The following HM13 variants were observed in gnomAD, a reference collection of about 807,000 sequenced individuals.
HM13 encodes the protein signal peptide peptidase.
HM13 carries 18 observed loss-of-function variants against 50.0 expected under a neutral mutation model. The ratio of observed to expected loss-of-function variants is 0.36; its 90% confidence interval spans 0.25 to 0.53. The LOEUF (loss-of-function observed/expected upper bound fraction) is 0.53, where lower values mean the gene tolerates loss of function less well. Ranked by LOEUF, HM13 falls within the 20% of genes least tolerant of loss-of-function variation. The pLI is 0.90. For synonymous variants in HM13, 197 were observed against 232.6 expected (o/e 0.85, Z 1.39); for missense variants, 393 against 552.4 (o/e 0.71, Z 2.89).
intron 3 of HM13, among the ~76,000 whole-genome samples, chr20:31,541,940 G>T (rs1485793269): frequency 6.6e-6 from 1 of 152,212 alleles, no homozygotes; most frequent in African/African-American, 2.4e-5. Flanking sequence ...GCTCAGGTCT[G>T]TCTGACTCCA....
intron 2 of HM13, chr20:31,527,848 G>A: frequency 2.5e-6 from 1 of 396,998 alleles, no homozygotes; most frequent in Non-Finnish European, 4.5e-6. Context: ...GTTTATGTTG[G>A]GATGGGGTAT....
chr20:31,534,994 G>C (rs1254320017), intron 2 of HM13, among the ~76,000 whole-genome samples: 1 of 152,024 alleles, frequency 6.6e-6, no homozygotes, highest in African/African-American at 2.4e-5. Flanking sequence ...GCTGAGGCAG[G>C]AGAGTGGCGT....
At chr20:31,547,004 C>T (rs1983761427) in intron 4 of HM13, among the ~76,000 whole-genome samples, 1 of 152,146 alleles carries the variant, frequency 6.6e-6, no homozygotes, top group South Asian at 2.1e-4. Context: ...ATCTCATGCT[C>T]CGCCATATAC....
intron 11 of HM13, among the ~76,000 whole-genome samples, chr20:31,567,377 C>T (rs893911883): frequency 1.3e-5 from 2 of 152,166 alleles, no homozygotes; most frequent in Admixed American, 6.5e-5. Flanking sequence ...GCTCTGAATA[C>T]ACAAGGCAGA....
chr20:31,516,932 CTG>C (rs1366356698), intron 1 of HM13, among the ~76,000 whole-genome samples: 2 of 152,214 alleles, frequency 1.3e-5, no homozygotes, highest in African/African-American at 4.8e-5. Context: ...GGAAAAGAAA[CTG>C]AGAGTCAAAG....
chr20:31,552,128 GC>G (rs1984067008), intron 7 of HM13, among the ~76,000 whole-genome samples: 1 of 152,144 alleles, frequency 6.6e-6, no homozygotes, highest in African/African-American at 2.4e-5. Context: ...CAGAGCAACA[GC>G]TATTCCCCAG....
At chr20:31,563,014 C>T (rs1600669611) in intron 10 of HM13, among the ~76,000 whole-genome samples, 1 of 152,192 alleles carries the variant, frequency 6.6e-6, no homozygotes, top group South Asian at 2.1e-4. Context: ...AAGGTGGCAG[C>T]CTCACCCTCT....
intron 1 of HM13, among the ~76,000 whole-genome samples, chr20:31,520,825 CTG>C: frequency 6.6e-6 from 1 of 152,284 alleles, no homozygotes; most frequent in East Asian, 1.9e-4. Context: ...AATGGAGACT[CTG>C]GAGTCTCCAG....
intron 4 of HM13, among the ~76,000 whole-genome samples, chr20:31,546,754 CA>C (rs542344354): frequency 0.34 from 39,431 of 116,648 alleles, 8,817 homozygotes; most frequent in African/African-American, 0.67. Context: ...GACCCTGTCT[CA>C]AAAAAAAAAA....
chr20:31,514,699 G>C lies in HM13; in HGVS notation c.148G>C (p.Gly50Arg). ...LLMALLPIFFGALRSVRCARG... is the reference protein window; with the variant it reads ...LLMALLPIFFRALRSVRCARG... ...CATGGCGCTGCTGCCCATCTTCTTC[G>C]GCGCCCTGCGCTCCGTACGCTGCGC... The change falls in exon 1 of 13, where the codon GGC (glycine) becomes CGC (arginine). Residue 50 changes from glycine (G) to arginine (R), a missense_variant. By Grantham distance (125) the Gly-to-Arg change is moderately radical (BLOSUM62 -2). Coordinates refer to ENST00000398174, the MANE Select transcript of HM13 (RefSeq NM_178581.3). The surrounding 1 kb of genome is among the most constrained non-coding windows in gnomAD (Gnocchi z 4.3). 3 of 1,549,540 alleles carry C rather than the reference G, an allele frequency of 1.9e-6. No homozygotes were observed. The highest frequency in any genetic ancestry group is 2.6e-6 in the Non-Finnish European group (3 of 1,147,732).
chr20:31,537,659 A>G (rs948243656), intron 2 of HM13, among the ~76,000 whole-genome samples: 1 of 152,214 alleles, frequency 6.6e-6, no homozygotes, highest in Non-Finnish European at 1.5e-5. Context: ...GCTGTCAGGG[A>G]TGCTGTCATA....
At chr20:31,528,957 C>T in intron 2 of HM13, among the ~76,000 whole-genome samples, 1 of 152,266 alleles carries the variant, frequency 6.6e-6, no homozygotes, top group Middle Eastern at 3.4e-3. Flanking sequence ...ATAATCATAA[C>T]TGTAGTGTTA....
In HM13 at chr20:31,549,125, A is replaced by G. The variant is rs1304360218; in HGVS notation, c.540+11A>G. ...TACCTGCTGAGGAAGGTGAGTAGTC[A>G]GGACCTGGGCAGAAGGGGAGGATGG... is the stretch of plus-strand genomic sequence containing the variant. On this transcript the variant is annotated intron_variant, in intron 5 of 12. Transcript: ENST00000398174. 3.1e-6 allele frequency: 5 copies of G among 1,613,918 alleles called. No homozygotes were observed. The Admixed American group carries it at 6.7e-5, about 22-fold the overall frequency.
chr20:31,517,376 G>A (rs534687812), intron 1 of HM13, among the ~76,000 whole-genome samples: 125 of 152,278 alleles, frequency 8.2e-4, no homozygotes, highest in African/African-American at 2.8e-3. Flanking sequence ...AGACAGAAGC[G>A]AATATGACCC....
At chr20:31,535,985 C>T (rs185909343) in intron 2 of HM13, among the ~76,000 whole-genome samples, 4 of 152,310 alleles carry the variant, frequency 2.6e-5, no homozygotes, top group East Asian at 1.9e-4. Flanking sequence ...CTAGCTCAGC[C>T]GAAACTCCAG....
chr20:31,549,580 A>G (rs1160531034), intron 6 of HM13, among the ~76,000 whole-genome samples: 1 of 152,294 alleles, frequency 6.6e-6, no homozygotes, highest in African/African-American at 2.4e-5. Flanking sequence ...CCTTGCTAGC[A>G]GGGGTGTTAC....
At chr20:31,550,208 C>T (rs763235909) in intron 7 of HM13, 87 bp downstream of exon 7, 1 of 933,884 alleles carries the variant, frequency 1.1e-6, no homozygotes, top group Non-Finnish European at 1.8e-6. Context: ...GTGCATCTCC[C>T]TATCTCTTCC....
intron 11 of HM13, among the ~76,000 whole-genome samples, chr20:31,567,250 C>G (rs772894837): frequency 6.6e-6 from 1 of 152,190 alleles, no homozygotes; most frequent in African/African-American, 2.4e-5. Context: ...GCATGGCACC[C>G]GATCCCTGAG....
At chr20:31,524,964 C>T (rs748739955) in intron 1 of HM13, among the ~76,000 whole-genome samples, 19 of 151,992 alleles carry the variant, frequency 1.3e-4, no homozygotes, top group Non-Finnish European at 2.2e-4. Flanking sequence ...CCGCCTGCCT[C>T]GGCCTCCCAA....
Sources: gnomAD v4.1 joint callset for allele counts (sites outside exome capture counted in the v4.1 genomes callset) on GRCh38, gnomAD v4.1.1 for gene constraint, Gnocchi (gnomAD v3.1) non-coding constraint, MANE v1.5 for transcripts, NCBI Gene and HGNC (gene_info 2026-07-23, HGNC 2026-07-21) for gene names.